The following FRAS1 variants were observed in gnomAD, a reference collection of about 807,000 sequenced individuals.
FRAS1 encodes Fraser extracellular matrix complex subunit 1, also known as extracellular matrix organizing protein FRAS1.
A neutral mutation model predicts 435.2 loss-of-function variants in FRAS1; 290 were observed. That is an observed-to-expected ratio of 0.67 (90% confidence interval 0.61 to 0.73). The LOEUF (loss-of-function observed/expected upper bound fraction) is 0.73. Among genes scored for constraint, FRAS1 ranks in the 30% least tolerant of loss-of-function variants. FRAS1 has a pLI of 0.00. For synonymous variants in FRAS1, 1,800 were observed against 1,851.0 expected, an observed-to-expected ratio of 0.97 and a Z score of 0.71; for missense variants, 4,860 against 5,001.5, an observed-to-expected ratio of 0.97 and a Z score of 0.85.
chr4:78,495,097 C>T (rs6819837), intron 59 of FRAS1, among the ~76,000 whole-genome samples: 114,267 of 152,006 alleles, frequency 0.75, 43,981 homozygotes, highest in East Asian at 1. Flanking sequence ...CATATGCTTG[C>T]TAGCTTATTG....
chr4:78,096,356 A>G (rs1470868613), intron 2 of FRAS1, among the ~76,000 whole-genome samples: 1 of 152,148 alleles, frequency 6.6e-6, no homozygotes, highest in Non-Finnish European at 1.5e-5. Flanking sequence ...CTGTTGGTGG[A>G]TCTACCATTC....
chr4:78,272,626 A>G (rs77935480), intron 9 of FRAS1, among the ~76,000 whole-genome samples: 50,668 of 151,570 alleles, frequency 0.33, 8,420 homozygotes, highest in Admixed American at 0.39. Flanking sequence ...GGTTGTAGAT[A>G]TGCGGCATTA....
intron 2 of FRAS1, among the ~76,000 whole-genome samples, chr4:78,213,801 A>G (rs1166952306): frequency 2.6e-5 from 4 of 152,144 alleles, no homozygotes; most frequent in African/African-American, 4.8e-5. Context: ...TGGGCAGGAA[A>G]CCATTTCCTC....
At chr4:78,150,977 T>C (rs1194424762) in intron 2 of FRAS1, among the ~76,000 whole-genome samples, 1 of 152,134 alleles carries the variant, frequency 6.6e-6, no homozygotes, top group East Asian at 1.9e-4. Context: ...GCCAACCTTA[T>C]AATATTTATT....
At chr4:78,254,330 T>C (rs1725689374) in intron 5 of FRAS1, among the ~76,000 whole-genome samples, 1 of 152,218 alleles carries the variant, frequency 6.6e-6, no homozygotes, top group South Asian at 2.1e-4. Flanking sequence ...TTTTTCTCAT[T>C]AAAAGGATAC....
At position 78,452,365 on chromosome 4, in the gene FRAS1, C is replaced by T; in HGVS notation, c.6763+11C>T. ...ATGCAGCATCACCAGGTAAGTCTAT[C>T]ATCTCTTGATTTACTGAATCAAAAC... On this transcript the variant is annotated intron_variant, in intron 47 of 73. Transcript: ENST00000512123. 1.3e-6 allele frequency: 2 copies of T among 1,586,804 alleles called. No homozygotes were observed. Among genetic ancestry groups the T allele is most frequent in the Middle Eastern group, 1.7e-4 (1 of 5,942 alleles).
chr4:78,425,100 G>GATAATA (rs35385181), intron 35 of FRAS1, among the ~76,000 whole-genome samples: 1,880 of 141,928 alleles, frequency 0.013, 26 homozygotes, highest in African/African-American at 0.031. Flanking sequence ...CTTAAATGGG[G>GATAATA]ATAATAATAA....
At chr4:78,216,618 G>A (rs1723779567) in intron 2 of FRAS1, among the ~76,000 whole-genome samples, 1 of 152,184 alleles carries the variant, frequency 6.6e-6, no homozygotes, top group Admixed American at 6.5e-5. Context: ...GTGGGCCCTG[G>A]CAGTTCAGCA....
intron 2 of FRAS1, among the ~76,000 whole-genome samples, chr4:78,193,919 C>G (rs1432224208): frequency 6.6e-6 from 1 of 152,178 alleles, no homozygotes; most frequent in Non-Finnish European, 1.5e-5. Flanking sequence ...CTGGTTGTTC[C>G]TTTCCATGTT....
chr4:78,177,939 G>T (rs974226876), intron 2 of FRAS1, among the ~76,000 whole-genome samples: 1 of 152,080 alleles, frequency 6.6e-6, no homozygotes, highest in Non-Finnish European at 1.5e-5. Flanking sequence ...GCAAATTTCC[G>T]CAAACTGGGT....
Position 78,432,486 on chromosome 4 carries a change from G to A in FRAS1, c.5099G>A (p.Arg1700Lys), listed in dbSNP as rs1448461985. 5 of 1,613,244 alleles carry A rather than the reference G, an allele frequency of 3.1e-6. No homozygotes were observed. Among genetic ancestry groups the A allele is most frequent in the Non-Finnish European group, 4.2e-6 (5 of 1,179,634 alleles). The change falls in exon 38 of 74, where the codon AGA becomes AAA. Residue 1700 changes from arginine to lysine, a missense_variant. Arg to Lys is a conservative substitution (Grantham distance 26). Transcript: ENST00000512123. ...DGLTVTMLEV[R>K]VEVSLSEDRG... Reference sequence around the variant, plus strand: ...CTCACAGTGACAATGCTGGAGGTGAGAGTAGAGGTGTCCCTGTCAGAAGAC... The same window carrying A: ...CTCACAGTGACAATGCTGGAGGTGAAAGTAGAGGTGTCCCTGTCAGAAGAC...
rs552595905 is a variant in FRAS1 at position 78,475,476 on chromosome 4, C to T, written c.7721C>T (p.Thr2574Met). 6.1e-5 allele frequency: 99 copies of T among 1,613,924 alleles called. No individual in the cohort carries two copies. The highest frequency in any genetic ancestry group is 9.3e-5 in the African/African-American group (7 of 75,048). Residue 2574 changes from threonine to methionine, a missense_variant, in exon 54 of 74, where the codon ACG becomes ATG. Thr to Met is a moderately conservative substitution (Grantham distance 81, BLOSUM62 -1). Coordinates refer to ENST00000512123, the MANE Select transcript of FRAS1 (RefSeq NM_025074.7). ...VSEKAGSVSV[T>M]VQRTGNLNQY... is the part of the protein sequence containing the mutation. Reference sequence around the variant, plus strand: ...GAGAAGGCAGGGTCTGTCAGTGTCACGGTGCAGAGGACTGGGAACCTGAAC... The same window carrying T: ...GAGAAGGCAGGGTCTGTCAGTGTCATGGTGCAGAGGACTGGGAACCTGAAC...
At chr4:78,150,770 C>T (rs982101201) in intron 2 of FRAS1, among the ~76,000 whole-genome samples, 9 of 152,166 alleles carry the variant, frequency 5.9e-5, no homozygotes, top group African/African-American at 1.4e-4. Flanking sequence ...GTGTTTGCTA[C>T]AGCCGAATGA....
chr4:78,316,850 CTG>C (rs1352199549), intron 16 of FRAS1, among the ~76,000 whole-genome samples: 1 of 152,200 alleles, frequency 6.6e-6, no homozygotes, highest in African/African-American at 2.4e-5. Context: ...CCAGGCTTGA[CTG>C]AGGGCATTGA....
chr4:78,117,898 G>A (rs567788322), intron 2 of FRAS1, among the ~76,000 whole-genome samples: 32 of 152,316 alleles, frequency 2.1e-4, no homozygotes, highest in Admixed American at 8.5e-4. Flanking sequence ...TGGTGGAGGA[G>A]AGGTTGTCTG....
rs370880987 is a variant in FRAS1, at chr4:78,252,541, G to A, written c.459G>A (p.Val153=). ...AAGGAAGCTGCTGCCCAGTTTGTGT[G>A]GGCCTTGGGAGTGAGTATGAGCTTG... ...IPEGSCCPVC[V]GLGKPCSYEG... The change falls in exon 5 of 74, where the codon GTG becomes GTA. Residue 153 remains valine, a synonymous_variant. Coordinates refer to ENST00000512123, the MANE Select transcript of FRAS1 (RefSeq NM_025074.7). 11 of 1,613,210 alleles carry A rather than the reference G, an allele frequency of 6.8e-6. No individual in the cohort carries two copies. The African/African-American group carries it at 1.2e-4, about 18-fold the overall frequency.
chr4:78,501,883 T>C (rs954837527), intron 61 of FRAS1, among the ~76,000 whole-genome samples: 1 of 152,216 alleles, frequency 6.6e-6, no homozygotes, highest in African/African-American at 2.4e-5. Flanking sequence ...TAATCCACCT[T>C]GAATTAATTT....
chr4:78,249,479 C>A (rs1316814546), intron 4 of FRAS1, among the ~76,000 whole-genome samples: 3 of 151,832 alleles, frequency 2.0e-5, no homozygotes, highest in Non-Finnish European at 1.5e-5. Flanking sequence ...ACCGCCACCA[C>A]ACCCAGCTAA....
chr4:78,389,092 A>C (rs146217585), intron 29 of FRAS1, among the ~76,000 whole-genome samples: 1 of 152,206 alleles, frequency 6.6e-6, no homozygotes, highest in South Asian at 2.1e-4. Context: ...TGCAAATGAG[A>C]TGGCTCTCAC....
Sources: allele counts gnomAD v4.1 joint callset (sites outside exome capture counted in the v4.1 genomes callset), GRCh38; gene constraint gnomAD v4.1.1; transcripts MANE v1.5; gene names NCBI Gene and HGNC (gene_info 2026-07-23, HGNC 2026-07-21).